PHIP: variants seen among roughly 807,000 people sequenced by gnomAD.
PHIP encodes the protein PH-interacting protein.
In PHIP, 54 loss-of-function variants were observed where a neutral mutation model predicts 236.8. The ratio of observed to expected loss-of-function variants is 0.23; its 90% confidence interval spans 0.18 to 0.29. The LOEUF is 0.29. PHIP is among the 10% of genes least tolerant of loss of function. The pLI, the probability that PHIP is intolerant of heterozygous loss-of-function variation, is 1.00. For missense variants in PHIP, 1,370 were observed against 2,190.8 expected (o/e 0.63, Z 7.48); for synonymous variants, 756 against 718.9 (o/e 1.05, Z -0.83).
At chr6:78,978,854 T>C (rs2127715221) in intron 23 of PHIP, 143 bp from the exon 24 acceptor site, 1 of 538,658 alleles carries the variant, frequency 1.9e-6, no homozygotes, top group African/African-American at 1.9e-5. Flanking sequence ...TGGCCCTGTG[T>C]ATCCATGGGT....
chr6:79,069,661 G>A (rs1300340108), intron 4 of PHIP, among the ~76,000 whole-genome samples: 2 of 151,950 alleles, frequency 1.3e-5, no homozygotes, highest in Admixed American at 1.3e-4. Flanking sequence ...TCGACACGTA[G>A]ATTTGATTAA....
chr6:79,077,131 C>A (rs1774208676), intron 4 of PHIP, among the ~76,000 whole-genome samples: 1 of 151,986 alleles, frequency 6.6e-6, no homozygotes, highest in African/African-American at 2.4e-5. Flanking sequence ...CTCGCGCGCC[C>A]CCGCGCCCGC....
At chr6:78,965,801 A>T in intron 28 of PHIP, 37 bp from the exon 29 acceptor site, 1 of 1,272,692 alleles carries the variant, frequency 7.9e-7, no homozygotes, top group Non-Finnish European at 1.1e-6. Flanking sequence ...AAAAAATCTA[A>T]ATTATTGTAT....
chr6:78,942,653 G>A (rs1773566023), intron 39 of PHIP, among the ~76,000 whole-genome samples: 1 of 152,150 alleles, frequency 6.6e-6, no homozygotes, highest in Admixed American at 6.5e-5. Context: ...AAGTAGTTAA[G>A]TATTTCCTAT....
Position 78,935,735 on chromosome 6 carries a change from A to G in PHIP, c.*4958T>C. 3.0e-6 allele frequency: 3 copies of G among 985,282 alleles called. No individual in the cohort carries two copies. Among genetic ancestry groups the G allele is most frequent in the Non-Finnish European group, 3.6e-6 (3 of 829,792 alleles). 61.0% of individuals were successfully genotyped at this position (985,282 alleles called of 1,614,324 possible). Reference sequence around the variant, plus strand: ...CACAGGGCACTGGAAACTCTAATGAACCAGCATTTACATAATGGTATCTGC... The same window carrying G: ...CACAGGGCACTGGAAACTCTAATGAGCCAGCATTTACATAATGGTATCTGC... On this transcript the variant is annotated 3_prime_UTR_variant, in exon 40 of 40. Coordinates refer to ENST00000275034, the MANE Select transcript of PHIP (RefSeq NM_017934.7).
chr6:78,997,293 T>C (rs1290969927), intron 19 of PHIP, 121 bp downstream of exon 19: 4 of 714,448 alleles, frequency 5.6e-6, no homozygotes, highest in African/African-American at 3.6e-5. Flanking sequence ...GAATAGTTTA[T>C]ACTGCCCTTC....
chr6:78,999,415 C>T (rs965909764), intron 17 of PHIP, among the ~76,000 whole-genome samples: 2 of 152,106 alleles, frequency 1.3e-5, no homozygotes, highest in Admixed American at 6.6e-5. Flanking sequence ...CCCTCTTTCA[C>T]TTCCTTAAAC....
At chr6:78,998,514 A>G in intron 17 of PHIP, 123 bp from the exon 18 acceptor site, 2 of 630,128 alleles carry the variant, frequency 3.2e-6, no homozygotes, top group South Asian at 2.6e-5. Context: ...GACTTAAATG[A>G]TCAACTATAA....
chr6:79,023,338 T>A (rs977704025), intron 9 of PHIP, among the ~76,000 whole-genome samples: 1 of 152,092 alleles, frequency 6.6e-6, no homozygotes, highest in Non-Finnish European at 1.5e-5. Flanking sequence ...ACTCAAGTGA[T>A]CCTCCTTCCT....
At chr6:78,993,227 C>T (rs1769385836) in intron 19 of PHIP, among the ~76,000 whole-genome samples, 1 of 152,216 alleles carries the variant, frequency 6.6e-6, no homozygotes, top group Non-Finnish European at 1.5e-5. Context: ...GAGGTTGGTT[C>T]ATGAGGCCTA....
rs1410782380 is a variant in PHIP at position 78,939,596 on chromosome 6, TATTTA to T, written c.*1092_*1096del. Reference sequence around the variant, plus strand: ...GTATATAAGTATGTGTTTGTATATATATTTAATTATACCCATTTATCAATATATAC... The same window carrying T: ...GTATATAAGTATGTGTTTGTATATATATTATACCCATTTATCAATATATAC... On this transcript the variant is annotated 3_prime_UTR_variant, in exon 40 of 40. Coordinates refer to ENST00000275034, the MANE Select transcript of PHIP (RefSeq NM_017934.7). The T allele has an allele frequency of 1.3e-5, 2 of 151,944 alleles. No individual in the cohort carries two copies. The highest frequency in any genetic ancestry group is 2.9e-5 in the Non-Finnish European group (2 of 67,814). The allele number at this position is 151,944 out of a possible 1,614,324, so 9.4% of individuals were successfully genotyped here.
intron 6 of PHIP, among the ~76,000 whole-genome samples, chr6:79,057,376 T>C (rs1329518461): frequency 2.0e-5 from 3 of 152,098 alleles, no homozygotes; most frequent in African/African-American, 4.8e-5. Context: ...TGCACCAATA[T>C]TGGCTTAGTA....
rs756602035 is a variant in PHIP, at chr6:78,935,073, A to G, written c.*5620T>C. Reference sequence around the variant, plus strand: ...TAAATACTGGGGAATCCTGGGTCATAAAATTGGTATTATTACAAAAGAGAA... The same window carrying G: ...TAAATACTGGGGAATCCTGGGTCATGAAATTGGTATTATTACAAAAGAGAA... On this transcript the variant is annotated 3_prime_UTR_variant, in exon 40 of 40. Coordinates refer to ENST00000275034, the MANE Select transcript of PHIP (RefSeq NM_017934.7). Among the ~76,000 whole-genome samples, 1 of 152,184 alleles carries G rather than the reference A, an allele frequency of 6.6e-6. No homozygotes were observed. The highest frequency in any genetic ancestry group is 1.5e-5 in the Non-Finnish European group (1 of 68,028).
intron 6 of PHIP, 144 bp from the exon 7 acceptor site, chr6:79,043,147 GTC>G: frequency 1.6e-6 from 1 of 629,398 alleles, no homozygotes. Context: ...CTAGTTAAAA[GTC>G]TTTAAAGTAA....
chr6:78,996,492 T>C (rs549458859), intron 19 of PHIP, among the ~76,000 whole-genome samples: 1 of 152,356 alleles, frequency 6.6e-6, no homozygotes, highest in Admixed American at 6.5e-5. Context: ...CATTATTTAT[T>C]TGACCCCTTT....
intron 7 of PHIP, among the ~76,000 whole-genome samples, chr6:79,040,969 T>A (rs1171268478): frequency 6.6e-6 from 1 of 152,150 alleles, no homozygotes; most frequent in Non-Finnish European, 1.5e-5. Flanking sequence ...ACTAAAGAAA[T>A]AACCAACAAG....
chr6:79,031,739 A>G (rs754897232), intron 7 of PHIP, among the ~76,000 whole-genome samples: 1 of 152,200 alleles, frequency 6.6e-6, no homozygotes, highest in Non-Finnish European at 1.5e-5. Flanking sequence ...AACCACTGTT[A>G]TTTCTTCTAG....
intron 9 of PHIP, among the ~76,000 whole-genome samples, chr6:79,020,635 C>G (rs1771068359): frequency 6.6e-6 from 1 of 152,150 alleles, no homozygotes; most frequent in Non-Finnish European, 1.5e-5. Flanking sequence ...GTCCTATAAA[C>G]TACCATTTTT....
intron 36 of PHIP, 149 bp from the exon 37 acceptor site, chr6:78,947,023 A>G (rs570189063): frequency 1.4e-4 from 71 of 508,586 alleles, no homozygotes; most frequent in African/African-American, 1.3e-3. Context: ...CTTTTGATGA[A>G]AAGGTAAACT....
Sources: gnomAD v4.1 joint callset for allele counts (sites outside exome capture counted in the v4.1 genomes callset) on GRCh38, gnomAD v4.1.1 for gene constraint, MANE v1.5 for transcripts, NCBI Gene and HGNC (gene_info 2026-07-23, HGNC 2026-07-21) for gene names.